DRC11: variants seen among roughly 807,000 people sequenced by gnomAD.
DRC11 encodes dynein regulatory complex subunit 11.
chr2:236,421,942 A>T, the DRC11 span, among the ~76,000 whole-genome samples: 2 of 152,202 alleles, frequency 1.3e-5, no homozygotes, highest in African/African-American at 4.8e-5. Context: ...TATAAACAGA[A>T]CCAATGACAA....
At chr2:236,486,241 T>G in the DRC11 span, among the ~76,000 whole-genome samples, 1 of 152,170 alleles carries the variant, frequency 6.6e-6, no homozygotes, top group South Asian at 2.1e-4. This position sits in a 1 kb window ranked among gnomAD's most constrained non-coding sequence, Gnocchi z 5.7. Flanking sequence ...AGCAGGCCCT[T>G]CCGCAGTTGA....
At chr2:236,324,600 G>A in the DRC11 span, 1 of 766,662 alleles carries the variant, frequency 1.3e-6, no homozygotes, top group Non-Finnish European at 2.2e-6. The surrounding 1 kb of genome is among the most constrained non-coding windows in gnomAD (Gnocchi z 5.7). Flanking sequence ...TTTCTTTGGC[G>A]AGTTGGGGTC....
chr2:236,459,549 A>ACG, the DRC11 span, among the ~76,000 whole-genome samples: 43 of 139,680 alleles, frequency 3.1e-4, no homozygotes, highest in African/African-American at 5.2e-4. Flanking sequence ...ACGTATACGT[A>ACG]TACATGTATA....
chr2:236,339,595 AGGTAAGGGTCCAAC>A, the DRC11 span, among the ~76,000 whole-genome samples: 41 of 152,176 alleles, frequency 2.7e-4, no homozygotes, highest in African/African-American at 8.9e-4. Context: ...ATATGGCGTG[AGGTAAGGGTCCAAC>A]TCTTTCTTTT....
the DRC11 span, among the ~76,000 whole-genome samples, chr2:236,394,668 C>T: frequency 6.6e-6 from 1 of 151,876 alleles, no homozygotes; most frequent in Admixed American, 6.6e-5. The surrounding 1 kb of genome is among the most constrained non-coding windows in gnomAD (Gnocchi z 7.0). Flanking sequence ...GCTGCTGATA[C>T]CAGAGGTGAG....
chr2:236,413,031 G>A, the DRC11 span: 1 of 152,356 alleles, frequency 6.6e-6, no homozygotes, highest in East Asian at 1.9e-4. The surrounding 1 kb of genome is among the most constrained non-coding windows in gnomAD (Gnocchi z 4.0). Flanking sequence ...GTAGGCTCCT[G>A]AAAGAGTCTC....
chr2:236,459,537 ATACG>A, the DRC11 span, among the ~76,000 whole-genome samples: 1,291 of 99,502 alleles, frequency 0.013, 12 homozygotes, highest in Admixed American at 0.021. Flanking sequence ...ATGTATACGT[ATACG>A]TATACGTATA....
At chr2:236,427,411 T>C in the DRC11 span, among the ~76,000 whole-genome samples, 1 of 152,202 alleles carries the variant, frequency 6.6e-6, no homozygotes, top group Non-Finnish European at 1.5e-5. The surrounding 1 kb of genome is among the most constrained non-coding windows in gnomAD (Gnocchi z 5.9). Context: ...CCTGGGCCTT[T>C]CTTTATTGGA....
the DRC11 span, among the ~76,000 whole-genome samples, chr2:236,383,706 C>G: frequency 6.7e-6 from 1 of 149,708 alleles, no homozygotes; most frequent in Non-Finnish European, 1.5e-5. Context: ...GGTACATGTG[C>G]ACATTGTGCA....
the DRC11 span, among the ~76,000 whole-genome samples, chr2:236,455,377 GC>G: frequency 6.6e-6 from 1 of 152,210 alleles, no homozygotes. The surrounding 1 kb of genome is among the most constrained non-coding windows in gnomAD (Gnocchi z 5.7). Context: ...CTGGTGCTGT[GC>G]CCTTGCCTGG....
At chr2:236,407,390 G>C in the DRC11 span, among the ~76,000 whole-genome samples, 1 of 152,148 alleles carries the variant, frequency 6.6e-6, no homozygotes, top group Admixed American at 6.6e-5. Context: ...CCAGTCCTCA[G>C]ACTTGGGCTG....
the DRC11 span, among the ~76,000 whole-genome samples, chr2:236,327,714 C>T: frequency 2.6e-5 from 4 of 151,502 alleles, no homozygotes; most frequent in South Asian, 2.1e-4. Flanking sequence ...GATGGAGTTT[C>T]GCTCGTTGCC....
the DRC11 span, among the ~76,000 whole-genome samples, chr2:236,358,700 A>C: frequency 6.7e-6 from 1 of 149,010 alleles, no homozygotes; most frequent in African/African-American, 2.5e-5. Flanking sequence ...ACTGCATCAA[A>C]GCTCTGATGA....
At chr2:236,372,389 A>C in the DRC11 span, among the ~76,000 whole-genome samples, 1 of 152,194 alleles carries the variant, frequency 6.6e-6, no homozygotes, top group Non-Finnish European at 1.5e-5. This position sits in a 1 kb window ranked among gnomAD's most constrained non-coding sequence, Gnocchi z 4.5. Flanking sequence ...TGAAATAGAC[A>C]ATTCTGATGA....
the DRC11 span, among the ~76,000 whole-genome samples, chr2:236,428,585 A>G: frequency 6.6e-6 from 1 of 152,168 alleles, no homozygotes; most frequent in Non-Finnish European, 1.5e-5. Flanking sequence ...TTTACATGGA[A>G]TATCTTTTTC....
At chr2:236,427,738 T>G in the DRC11 span, among the ~76,000 whole-genome samples, 7 of 152,086 alleles carry the variant, frequency 4.6e-5, no homozygotes, top group African/African-American at 1.7e-4. This position sits in a 1 kb window ranked among gnomAD's most constrained non-coding sequence, Gnocchi z 5.9. Flanking sequence ...TTCATTTATT[T>G]TTGTTCTTAT....
chr2:236,443,748 T>G, the DRC11 span, among the ~76,000 whole-genome samples: 1 of 152,340 alleles, frequency 6.6e-6, no homozygotes. The surrounding 1 kb of genome is among the most constrained non-coding windows in gnomAD (Gnocchi z 4.4). Flanking sequence ...GTAATGGGAT[T>G]GCTAGGTCAA....
chr2:236,419,067 A>G, the DRC11 span: 3 of 1,454,914 alleles, frequency 2.1e-6, no homozygotes, highest in African/African-American at 1.4e-5. This position sits in a 1 kb window ranked among gnomAD's most constrained non-coding sequence, Gnocchi z 4.8. Flanking sequence ...ACAGATTTGT[A>G]AATATCTCAT....
At chr2:236,503,087 G>C in the DRC11 span, among the ~76,000 whole-genome samples, 1 of 152,180 alleles carries the variant, frequency 6.6e-6, no homozygotes, top group Non-Finnish European at 1.5e-5. This position sits in a 1 kb window ranked among gnomAD's most constrained non-coding sequence, Gnocchi z 4.9. Context: ...AAATATGGGA[G>C]TGGAACAGAC....
Sources: gnomAD v4.1 joint callset for allele counts (sites outside exome capture counted in the v4.1 genomes callset) on GRCh38, gnomAD v4.1.1 for gene constraint, Gnocchi (gnomAD v3.1) non-coding constraint, MANE v1.5 for transcripts, NCBI Gene and HGNC (gene_info 2026-07-23, HGNC 2026-07-21) for gene names.